NCOA7: variants seen among roughly 807,000 people sequenced by gnomAD.
NCOA7 encodes nuclear receptor coactivator 7.
Under a neutral mutation model 104.3 loss-of-function variants are expected in NCOA7, and 45 were observed. The ratio of observed to expected loss-of-function variants is 0.43; its 90% CI spans 0.34 to 0.55. The LOEUF is 0.55. Ranked by LOEUF, NCOA7 falls within the 20% of genes least tolerant of loss-of-function variation. The pLI is 0.02. For missense variants in NCOA7, 1,041 were observed against 1,119.7 expected (o/e 0.93, Z 1.00); for synonymous variants, 398 against 402.3 (o/e 0.99, Z 0.13).
intron 10 of NCOA7, among the ~76,000 whole-genome samples, chr6:125,914,125 C>T (rs1208293171): frequency 7.9e-5 from 12 of 152,174 alleles, no homozygotes; most frequent in Non-Finnish European, 1.5e-5. Context: ...GGAAATAATT[C>T]GAACCATAGT....
At chr6:125,907,555 A>G (rs1050957893) in intron 10 of NCOA7, among the ~76,000 whole-genome samples, 1 of 152,228 alleles carries the variant, frequency 6.6e-6, no homozygotes, top group African/African-American at 2.4e-5. Flanking sequence ...CTTTAGATTT[A>G]TTAATGAAAC....
rs146033922 is a variant in NCOA7, at chr6:125,903,578, T to C, written c.2097-11755T>C. Among the ~76,000 whole-genome samples, 176 of 152,328 alleles carry C rather than the reference T, an allele frequency of 1.2e-3. 1 individual carries two copies. The highest frequency in any genetic ancestry group is 6.8e-3 in the Middle Eastern group (2 of 294). The stretch of plus-strand genomic sequence containing the variant: ...TATCCCTAGATCTGCCTACCATCTA[T>C]ACTACTGTTTACTTAATGGTTGTCT... On this transcript the variant is annotated intron_variant, in intron 10 of 15. Transcript: ENST00000392477.
At chr6:125,897,442 A>G (rs1447368221) in intron 10 of NCOA7, among the ~76,000 whole-genome samples, 1 of 151,870 alleles carries the variant, frequency 6.6e-6, no homozygotes, top group Non-Finnish European at 1.5e-5. Flanking sequence ...TTAAGCTCAT[A>G]GTTTTTATTC....
chr6:125,894,333 T>C (rs1421934914), intron 10 of NCOA7, among the ~76,000 whole-genome samples: 1 of 152,146 alleles, frequency 6.6e-6, no homozygotes, highest in Non-Finnish European at 1.5e-5. Context: ...GGTCGCGTAC[T>C]AGACTCGGGC....
chr6:125,785,702 C>T (rs1173269898), intron 1 of NCOA7, among the ~76,000 whole-genome samples: 1 of 152,114 alleles, frequency 6.6e-6, no homozygotes, highest in Non-Finnish European at 1.5e-5. Flanking sequence ...AATGAATTCT[C>T]AAGCTACTGA....
At chr6:125,846,960 G>GT (rs1236131080) in intron 2 of NCOA7, among the ~76,000 whole-genome samples, 2 of 152,188 alleles carry the variant, frequency 1.3e-5, no homozygotes, top group Admixed American at 6.5e-5. Flanking sequence ...GAAGAAAGCT[G>GT]TTTAAAGCTT....
chr6:125,879,069 G>T (rs758049201), intron 5 of NCOA7, among the ~76,000 whole-genome samples: 3 of 152,090 alleles, frequency 2.0e-5, no homozygotes, highest in Non-Finnish European at 4.4e-5. Flanking sequence ...GTGGAGAATT[G>T]CTTGGGAAAA....
chr6:125,814,981 ATAGT>A (rs1445166692), intron 1 of NCOA7, among the ~76,000 whole-genome samples: 7 of 152,186 alleles, frequency 4.6e-5, no homozygotes, highest in African/African-American at 7.2e-5. Flanking sequence ...TAGCATCTAC[ATAGT>A]TAGGCTACAA....
chr6:125,922,686 C>A lies in NCOA7; in HGVS notation c.2375C>A (p.Ala792Asp). 6.2e-7 allele frequency: 1 copy of A among 1,611,808 alleles called. No homozygotes were observed. Among genetic ancestry groups the A allele is most frequent in the Non-Finnish European group, 8.5e-7 (1 of 1,179,332 alleles). The part of the protein sequence containing the change: ...LLENMHIEQL[A>D]RRLPARVQGY... ...TCTCTTCCTTTGGCTTTGTAGCTGG[C>A]CCGACGCCTTCCTGCAAGGGTGCAA... The change falls in exon 13 of 16, where the codon GCC becomes GAC. Residue 792 changes from alanine to aspartate, a missense_variant. Transcript: ENST00000392477.
At chr6:125,900,469 T>C (rs1785406042) in intron 10 of NCOA7, among the ~76,000 whole-genome samples, 3 of 152,268 alleles carry the variant, frequency 2.0e-5, no homozygotes, top group Admixed American at 2.0e-4. Context: ...CTATTATTTT[T>C]GGTGAACCAA....
chr6:125,890,663 A>G lies in NCOA7; in HGVS notation c.1949A>G (p.Glu650Gly). 1 of 1,612,472 alleles carries G rather than the reference A, an allele frequency of 6.2e-7. No individual in the cohort carries two copies. Among genetic ancestry groups the G allele is most frequent in the African/African-American group, 1.3e-5 (1 of 74,884 alleles). The change falls in exon 10 of 16, where the codon GAA (glutamate) becomes GGA (glycine). Residue 650 changes from glutamate (E) to glycine (G), a missense_variant. By Grantham distance (98) the Glu-to-Gly change is moderately conservative. This residue lies in a region of NCOA7 where 914 missense variants were observed against 942.7 expected (regional missense o/e 0.97). Coordinates refer to ENST00000392477, the MANE Select transcript of NCOA7 (RefSeq NM_181782.5). The part of the protein sequence containing the change: ...PIEDILPSKE[E>G]KSKTPPMFLC... Reference sequence around the variant, plus strand: ...TCAGATATACTTCCTTCAAAAGAAGAAAAAAGCAAGACCCCACCCATGTTC... The same window carrying G: ...TCAGATATACTTCCTTCAAAAGAAGGAAAAAGCAAGACCCCACCCATGTTC...
chr6:125,860,348 T>C (rs1781935709), intron 3 of NCOA7, among the ~76,000 whole-genome samples: 1 of 152,200 alleles, frequency 6.6e-6, no homozygotes, highest in Middle Eastern at 3.2e-3. Context: ...TAGGATACTT[T>C]TTCTTTTTCT....
In NCOA7 at chr6:125,889,180, T is replaced by C; in HGVS notation, c.1126T>C (p.Ser376Pro). The C allele has an allele frequency of 6.2e-7, 1 of 1,614,066 alleles. No individual in the cohort carries two copies. Among genetic ancestry groups the C allele is most frequent in the Non-Finnish European group, 8.5e-7 (1 of 1,179,998 alleles). Residue 376 changes from serine to proline, a missense_variant, in exon 9 of 16, where the codon TCC (serine) becomes CCC (proline). Coordinates refer to ENST00000392477, the MANE Select transcript of NCOA7 (RefSeq NM_181782.5). ...GTCAGAGAAATTAAAGAAACTGGAC[T>C]CCTCTAGGGAGACATCCCATGGTTC... ...SVSEKLKKLDSSRETSHGSPT... is the reference protein window; with the variant it reads ...SVSEKLKKLDPSRETSHGSPT...
At chr6:125,834,732 G>A (rs1037654085) in intron 2 of NCOA7, among the ~76,000 whole-genome samples, 1 of 152,188 alleles carries the variant, frequency 6.6e-6, no homozygotes, top group East Asian at 1.9e-4. Flanking sequence ...GAGGATTGTA[G>A]CCCAGGAGCA....
rs560537362 is a variant in NCOA7, at chr6:125,873,588, A to G, written c.272-1301A>G. The stretch of plus-strand genomic sequence containing the variant: ...CTCTAGCTCCCCATTGCCATAGATA[A>G]TACTGTGATGAACATCCTTCAGCAG... On this transcript the variant is annotated intron_variant, in intron 3 of 15. Transcript: ENST00000392477. Among the ~76,000 whole-genome samples the G allele has an allele frequency of 2.0e-5, 3 of 152,316 alleles. No homozygotes were observed. In the South Asian group the frequency reaches 6.2e-4, roughly 32 times the overall value.
intron 2 of NCOA7, among the ~76,000 whole-genome samples, chr6:125,848,592 T>C (rs543426388): frequency 1.3e-5 from 2 of 152,054 alleles, no homozygotes; most frequent in African/African-American, 2.4e-5. Context: ...TAGGTGGGAA[T>C]TGAACGATGA....
intron 5 of NCOA7, 116 bp from the exon 6 acceptor site, chr6:125,880,974 C>T (rs965478298): frequency 7.0e-6 from 5 of 709,896 alleles, no homozygotes; most frequent in Non-Finnish European, 1.0e-5. Flanking sequence ...TTGAAAGCAA[C>T]CTAGGTCGTA....
intron 2 of NCOA7, among the ~76,000 whole-genome samples, chr6:125,832,451 A>G (rs1367194339): frequency 6.6e-6 from 1 of 152,238 alleles, no homozygotes; most frequent in African/African-American, 2.4e-5. Flanking sequence ...AACAAGCAGT[A>G]AATTATTTTA....
At chr6:125,813,185 A>G (rs1420937393) in intron 1 of NCOA7, among the ~76,000 whole-genome samples, 1 of 152,148 alleles carries the variant, frequency 6.6e-6, no homozygotes, top group Non-Finnish European at 1.5e-5. Flanking sequence ...GGATTTGGTA[A>G]TGGCTCTGCA....
Sources: allele counts gnomAD v4.1 joint callset (sites outside exome capture counted in the v4.1 genomes callset), GRCh38; gene constraint gnomAD v4.1.1; regional missense constraint gnomAD v4.1.1; transcripts MANE v1.5; gene names NCBI Gene and HGNC (gene_info 2026-07-23, HGNC 2026-07-21).